The following CACNA1E variants were observed in gnomAD, a reference collection of about 807,000 sequenced individuals.
CACNA1E encodes calcium voltage-gated channel subunit alpha1 E, also known as voltage-dependent R-type calcium channel subunit alpha-1E.
In CACNA1E, 40 loss-of-function variants were observed where a neutral mutation model predicts 259.2. That is an observed-to-expected ratio of 0.15 (90% CI 0.12 to 0.20). CACNA1E has a LOEUF of 0.20. Ranked by LOEUF, CACNA1E falls within the 10% of genes least tolerant of loss-of-function variation. The probability of loss-of-function intolerance (pLI) is 1.00; values close to 1 mark genes in which losing one functional copy is unlikely to be tolerated. For missense variants in CACNA1E, 1,874 were observed against 3,040.1 expected, an observed-to-expected ratio of 0.62 and a Z score of 9.02; for synonymous variants, 1,104 against 1,138.5, an observed-to-expected ratio of 0.97 and a Z score of 0.61.
At chr1:181,343,932 G>A (rs895170629) in intron 1 of CACNA1E, among the ~76,000 whole-genome samples, 8 of 152,002 alleles carry the variant, frequency 5.3e-5, no homozygotes. Context: ...CTATATAAAA[G>A]GACAACAGGC....
intron 1 of CACNA1E, among the ~76,000 whole-genome samples, chr1:181,361,559 TGAAAAGG>T (rs1653887371): frequency 1.3e-5 from 2 of 152,126 alleles, no homozygotes; most frequent in Admixed American, 6.5e-5. Flanking sequence ...AGAGGCAACA[TGAAAAGG>T]GGCCTTTTCA....
At chr1:181,336,978 T>C (rs1651759241) in intron 1 of CACNA1E, among the ~76,000 whole-genome samples, 2 of 148,880 alleles carry the variant, frequency 1.3e-5, no homozygotes, top group South Asian at 2.1e-4. Flanking sequence ...ATATATAATA[T>C]AGATATTTAT....
intron 3 of CACNA1E, among the ~76,000 whole-genome samples, chr1:181,573,520 C>A (rs56088115): frequency 6.6e-6 from 1 of 152,208 alleles, no homozygotes; most frequent in South Asian, 2.1e-4. Flanking sequence ...AGCTCTCTTA[C>A]TGAGAACTGG....
intron 7 of CACNA1E, among the ~76,000 whole-genome samples, chr1:181,659,126 CAG>C (rs1659444316): frequency 1.3e-5 from 2 of 151,976 alleles, no homozygotes; most frequent in African/African-American, 4.8e-5. Flanking sequence ...GTTCCCAGAG[CAG>C]AGAGAGACAG....
At chr1:181,486,936 C>T (rs1370649792) in intron 1 of CACNA1E, among the ~76,000 whole-genome samples, 3 of 152,078 alleles carry the variant, frequency 2.0e-5, no homozygotes, top group Non-Finnish European at 2.9e-5. Flanking sequence ...CCTGCTGAAT[C>T]AGAATCTGCA....
At chr1:181,491,476 G>C (rs1390084079) in intron 1 of CACNA1E, among the ~76,000 whole-genome samples, 1 of 152,220 alleles carries the variant, frequency 6.6e-6, no homozygotes, top group African/African-American at 2.4e-5. Flanking sequence ...CATGCTTTGA[G>C]AACCATTGCT....
At chr1:181,479,478 G>A (rs1451182676), upstream of CACNA1E, among the ~76,000 whole-genome samples, 1 of 152,164 alleles carries the variant, frequency 6.6e-6, no homozygotes, top group South Asian at 2.1e-4. Flanking sequence ...ATCCTTAATA[G>A]GACAGTGGAA....
intron 2 of CACNA1E, among the ~76,000 whole-genome samples, chr1:181,419,654 C>T (rs1658577751): frequency 6.6e-6 from 1 of 152,210 alleles, no homozygotes; most frequent in African/African-American, 2.4e-5. Flanking sequence ...AAAACAGTGC[C>T]TAGTGTGCAG....
chr1:181,656,101 C>T (rs556174521), intron 7 of CACNA1E, among the ~76,000 whole-genome samples: 3 of 152,216 alleles, frequency 2.0e-5, no homozygotes, highest in East Asian at 1.9e-4. Flanking sequence ...ATATAGTATT[C>T]GACAGTAAAT....
intron 1 of CACNA1E, among the ~76,000 whole-genome samples, chr1:181,344,480 A>G (rs564987002): frequency 6.6e-6 from 1 of 152,316 alleles, no homozygotes; most frequent in African/African-American, 2.4e-5. Context: ...TTCCTGCCTC[A>G]GGGTCTTGAA....
chr1:181,508,091 A>G (rs1354637749), intron 1 of CACNA1E, among the ~76,000 whole-genome samples: 1 of 152,060 alleles, frequency 6.6e-6, no homozygotes, highest in Admixed American at 6.5e-5. Context: ...TGCTCTGAAA[A>G]AAAGAGTTAC....
intron 3 of CACNA1E, among the ~76,000 whole-genome samples, chr1:181,562,529 T>G (rs1035816501): frequency 1.3e-5 from 2 of 152,230 alleles, no homozygotes; most frequent in African/African-American, 4.8e-5. Flanking sequence ...TGATGCTCCA[T>G]GCCAGGATCA....
intron 2 of CACNA1E, among the ~76,000 whole-genome samples, chr1:181,469,679 G>A (rs1013064739): frequency 6.6e-6 from 1 of 152,096 alleles, no homozygotes; most frequent in African/African-American, 2.4e-5. Context: ...GGCAGACACC[G>A]GGATCTGAGG....
At chr1:181,537,718 TG>T (rs909185755) in intron 3 of CACNA1E, among the ~76,000 whole-genome samples, 8 of 152,170 alleles carry the variant, frequency 5.3e-5, no homozygotes. Flanking sequence ...TATTTGAAAT[TG>T]GAGTGTATGT....
At chr1:181,753,307 G>A (rs535269829) in intron 27 of CACNA1E, among the ~76,000 whole-genome samples, 2 of 152,210 alleles carry the variant, frequency 1.3e-5, no homozygotes, top group Non-Finnish European at 2.9e-5. Context: ...CAACACAACA[G>A]AGCCAGACTC....
chr1:181,503,514 A>C (rs2102578579), intron 1 of CACNA1E, among the ~76,000 whole-genome samples: 1 of 152,240 alleles, frequency 6.6e-6, no homozygotes, highest in Non-Finnish European at 1.5e-5. Flanking sequence ...CCATTACCAT[A>C]ATTTTCTTTT....
chr1:181,629,326 T>C (rs199944), intron 6 of CACNA1E, among the ~76,000 whole-genome samples: 151,247 of 152,324 alleles, frequency 0.99, 75,094 homozygotes, highest in Middle Eastern at 1. Flanking sequence ...ACATGTATTT[T>C]TCTAATGGCC....
chr1:181,415,921 G>A (rs1210359413), intron 2 of CACNA1E, among the ~76,000 whole-genome samples: 3 of 152,192 alleles, frequency 2.0e-5, no homozygotes, highest in African/African-American at 7.2e-5. Flanking sequence ...TGCTGCTCGG[G>A]GCACTAGAAG....
chr1:181,499,393 CTGA>C (rs1330912649), intron 1 of CACNA1E, among the ~76,000 whole-genome samples: 6 of 152,180 alleles, frequency 3.9e-5, no homozygotes, highest in African/African-American at 1.4e-4. Context: ...TTTGATTATT[CTGA>C]TAATAGTTTT....
Sources: gnomAD v4.1 joint callset for allele counts (sites outside exome capture counted in the v4.1 genomes callset) on GRCh38, gnomAD v4.1.1 for gene constraint, MANE v1.5 for transcripts, NCBI Gene and HGNC (gene_info 2026-07-23, HGNC 2026-07-21) for gene names.